Variants in MCF2L2 observed in about 807,000 individuals in gnomAD.
MCF2L2 encodes the protein probable guanine nucleotide exchange factor MCF2L2.
MCF2L2 carries 102 observed loss-of-function variants against 150.2 expected under a neutral mutation model. That is an observed-to-expected ratio of 0.68 (90% CI 0.58 to 0.80). The LOEUF is 0.80. Among genes scored for constraint, MCF2L2 ranks in the 30% least tolerant of loss-of-function variants. The pLI, the probability that MCF2L2 is intolerant of heterozygous loss-of-function variation, is 0.00. For synonymous variants in MCF2L2, 465 were observed against 491.3 expected (o/e 0.95, Z 0.71); for missense variants, 1,256 against 1,372.8 (o/e 0.91, Z 1.34).
intron 15 of MCF2L2, among the ~76,000 whole-genome samples, chr3:183,257,958 CTTTTTTTTTTTT>C (rs35323502): frequency 8.0e-4 from 52 of 64,744 alleles, no homozygotes; most frequent in Admixed American, 9.5e-4. Context: ...CCACTTCACC[CTTTTTTTTTTTT>C]TTTTTTTTTT....
chr3:183,367,016 A>C (rs79668231), intron 3 of MCF2L2, among the ~76,000 whole-genome samples: 9,947 of 152,280 alleles, frequency 0.065, 349 homozygotes, highest in East Asian at 0.09. Flanking sequence ...GAAATGAATT[A>C]AATTATGGCA....
chr3:183,181,853 G>T lies in MCF2L2; in HGVS notation c.3017-1694C>A, dbSNP rs1721534412. On this transcript the variant is annotated intron_variant, in intron 27 of 29. Coordinates refer to ENST00000328913, the MANE Select transcript of MCF2L2 (RefSeq NM_015078.4). The surrounding 1 kb of genome is among the most constrained non-coding windows in gnomAD (Gnocchi z 4.3). Reference sequence around the variant, plus strand: ...TCAGCCATAGGCAGCCACAGCCTGGGGTGGGCAGGGCTGGGAGGCGACACA... The same window carrying T: ...TCAGCCATAGGCAGCCACAGCCTGGTGTGGGCAGGGCTGGGAGGCGACACA... 6.6e-6 allele frequency among the ~76,000 whole-genome samples: 1 copy of T among 152,154 alleles called. No homozygotes were observed. The highest frequency in any genetic ancestry group is 1.5e-5 in the Non-Finnish European group (1 of 68,018).
intron 3 of MCF2L2, among the ~76,000 whole-genome samples, chr3:183,371,392 C>T (rs1560044667): frequency 6.6e-6 from 1 of 151,346 alleles, no homozygotes; most frequent in Admixed American, 6.6e-5. Context: ...GACAACTCCA[C>T]GGGTGAGGGG....
chr3:183,389,098 G>A (rs1055868774), intron 2 of MCF2L2, among the ~76,000 whole-genome samples: 1 of 152,150 alleles, frequency 6.6e-6, no homozygotes, highest in African/African-American at 2.4e-5. Context: ...TCTAGTTTTA[G>A]TAATTAAAGT....
At chr3:183,190,077 T>C (rs534333) in intron 27 of MCF2L2, among the ~76,000 whole-genome samples, 104,724 of 152,116 alleles carry the variant, frequency 0.69, 37,517 homozygotes, top group East Asian at 0.84. Flanking sequence ...ATAATTAGTC[T>C]GACCCTGTTA....
At chr3:183,304,511 G>A (rs1451017412) in intron 10 of MCF2L2, among the ~76,000 whole-genome samples, 1 of 139,738 alleles carries the variant, frequency 7.2e-6, no homozygotes, top group Admixed American at 7.8e-5. Flanking sequence ...CTGTAGCTAG[G>A]CTGGAGTGCA....
chr3:183,389,624 T>C, intron 2 of MCF2L2, 72 bp downstream of exon 2: 1 of 1,305,902 alleles, frequency 7.7e-7, no homozygotes, highest in Non-Finnish European at 1.1e-6. Flanking sequence ...TTCCTCAAGG[T>C]TCAAGAGGCT....
chr3:183,189,534 G>C (rs186379325), intron 27 of MCF2L2, among the ~76,000 whole-genome samples: 92 of 152,274 alleles, frequency 6.0e-4, no homozygotes, highest in African/African-American at 2.1e-3. Flanking sequence ...CCTTCCCCCA[G>C]CCAGGCCCTA....
chr3:183,379,373 G>A lies in MCF2L2; in HGVS notation c.199C>T (p.Pro67Ser). The A allele has an allele frequency of 1.2e-6, 2 of 1,610,786 alleles. No homozygotes were observed. The highest frequency in any genetic ancestry group is 8.5e-7 in the Non-Finnish European group (1 of 1,178,700). ...ATGTGTTTGAACCCCGAAAACTCTG[G>A]GAACGTGATGATGGGGGCGCCATCC... ...GEDGAPIITF[P>S]EFSGFKHIPD... Residue 67 changes from proline (P) to serine (S), a missense_variant, in exon 3 of 30, where the codon CCA (proline) becomes TCA (serine). Coordinates refer to ENST00000328913, the MANE Select transcript of MCF2L2 (RefSeq NM_015078.4).
At chr3:183,196,579 C>T (rs1354426258) in intron 25 of MCF2L2, among the ~76,000 whole-genome samples, 7 of 152,066 alleles carry the variant, frequency 4.6e-5, no homozygotes, top group Non-Finnish European at 1.0e-4. Flanking sequence ...CCCTGGTTCC[C>T]GCTCACTCAC....
chr3:183,272,815 A>C, intron 15 of MCF2L2: 1 of 1,207,788 alleles, frequency 8.3e-7, no homozygotes, highest in Non-Finnish European at 1.0e-6. Flanking sequence ...GAAGTGTTTA[A>C]GGTTGCCATT....
chr3:183,316,242 A>C (rs1287666401), intron 7 of MCF2L2, among the ~76,000 whole-genome samples: 2 of 152,188 alleles, frequency 1.3e-5, no homozygotes, highest in Non-Finnish European at 2.9e-5. Context: ...AGCTTCTCAG[A>C]GGCATTTTCA....
At chr3:183,351,380 T>G (rs1472497683) in intron 3 of MCF2L2, among the ~76,000 whole-genome samples, 2 of 151,634 alleles carry the variant, frequency 1.3e-5, no homozygotes, top group African/African-American at 4.8e-5. Flanking sequence ...TCCTATGATT[T>G]GCCTTTTTTG....
intron 5 of MCF2L2, among the ~76,000 whole-genome samples, chr3:183,326,507 A>C (rs1361072273): frequency 2.5e-4 from 35 of 142,552 alleles, no homozygotes; most frequent in South Asian, 4.4e-4. Flanking sequence ...AAAAAAAAAA[A>C]AAAAAAAAAC....
At chr3:183,238,061 A>C (rs1177067660) in intron 15 of MCF2L2, among the ~76,000 whole-genome samples, 1 of 149,190 alleles carries the variant, frequency 6.7e-6, no homozygotes, top group African/African-American at 2.5e-5. Context: ...CTGTGGTCTG[A>C]GAGATAGTTT....
At chr3:183,337,552 CAAAAAAAAA>C (rs61184812) in intron 5 of MCF2L2, among the ~76,000 whole-genome samples, 6 of 72,000 alleles carry the variant, frequency 8.3e-5, no homozygotes, top group Admixed American at 5.0e-4. Flanking sequence ...GACTCCATCT[CAAAAAAAAA>C]AAAAAAAAAG....
rs938927154 is a variant in MCF2L2, at chr3:183,184,557, G to A, written c.3017-4398C>T. Among the ~76,000 whole-genome samples the A allele has an allele frequency of 3.3e-5, 5 of 152,202 alleles. 1 individual carries two copies. Among genetic ancestry groups the A allele is most frequent in the Admixed American group, 3.3e-4 (5 of 15,282 alleles). On this transcript the variant is annotated intron_variant, in intron 27 of 29. Transcript: ENST00000328913. ...AGAGTATTCTCTTTTGAAACCCTTA[G>A]TCGACAATCTTTCTGGTGCATATCA...
chr3:183,309,047 T>A (rs889649757), intron 10 of MCF2L2, among the ~76,000 whole-genome samples: 1 of 152,212 alleles, frequency 6.6e-6, no homozygotes, highest in Non-Finnish European at 1.5e-5. Flanking sequence ...CTGTAAACAC[T>A]TAAAATGGAA....
chr3:183,300,297 A>C, intron 10 of MCF2L2, 101 bp from the exon 11 acceptor site: 1 of 1,057,128 alleles, frequency 9.5e-7, no homozygotes, highest in Non-Finnish European at 1.3e-6. Context: ...GAGGCTGTGG[A>C]GATGCTAACC....
Sources: allele counts gnomAD v4.1 joint callset (sites outside exome capture counted in the v4.1 genomes callset), GRCh38; gene constraint gnomAD v4.1.1; non-coding constraint Gnocchi (gnomAD v3.1); transcripts MANE v1.5; gene names NCBI Gene and HGNC (gene_info 2026-07-23, HGNC 2026-07-21).